Variants in CUBN observed in about 807,000 individuals in gnomAD.
CUBN encodes the protein cubilin.
CUBN carries 282 observed loss-of-function variants against 405.3 expected under a neutral mutation model. The observed-to-expected ratio is 0.70, with a 90% CI of 0.63 to 0.77. CUBN has a LOEUF of 0.77. Among genes scored for constraint, CUBN ranks in the 30% least tolerant of loss-of-function variants. The pLI is 0.00. For synonymous variants in CUBN, 1,684 were observed against 1,617.0 expected (o/e 1.04, Z -0.99); for missense variants, 4,514 against 4,475.2 (o/e 1.01, Z -0.25).
At chr10:16,970,862 T>A (rs1035767434) in intron 31 of CUBN, among the ~76,000 whole-genome samples, 99 of 152,144 alleles carry the variant, frequency 6.5e-4, no homozygotes, top group South Asian at 1.5e-3. Context: ...ATGTCTTTTT[T>A]TAAAAAATTA....
At chr10:16,912,259 C>T (rs1267198072) in intron 48 of CUBN, among the ~76,000 whole-genome samples, 1 of 152,120 alleles carries the variant, frequency 6.6e-6, no homozygotes, top group Non-Finnish European at 1.5e-5. Context: ...AATTCACTAC[C>T]CAACAGGAGA....
intron 32 of CUBN, 34 bp from the exon 33 acceptor site, chr10:16,952,423 T>C (rs763690091): frequency 2.5e-6 from 3 of 1,193,074 alleles, no homozygotes; most frequent in East Asian, 4.7e-5. Flanking sequence ...ACATGTCATA[T>C]GCTTTTCATT....
chr10:17,057,433 C>A (rs1328873074), intron 22 of CUBN, among the ~76,000 whole-genome samples: 1 of 152,078 alleles, frequency 6.6e-6, no homozygotes, highest in East Asian at 1.9e-4. Flanking sequence ...CTGTTTTAGC[C>A]AGTCTTCCAT....
At chr10:17,080,892 G>A (rs1306837374) in intron 17 of CUBN, among the ~76,000 whole-genome samples, 5 of 151,924 alleles carry the variant, frequency 3.3e-5, no homozygotes, top group African/African-American at 9.7e-5. Flanking sequence ...AGCTCTCTTC[G>A]ACAAAAACAG....
At chr10:16,968,800 G>T (rs895259056) in intron 31 of CUBN, among the ~76,000 whole-genome samples, 10 of 152,230 alleles carry the variant, frequency 6.6e-5, no homozygotes, top group Non-Finnish European at 1.2e-4. Context: ...AGCCACTTGT[G>T]TGCTGACCAG....
chr10:17,065,420 C>A, intron 22 of CUBN, 88 bp downstream of exon 22: 3 of 1,527,436 alleles, frequency 2.0e-6, no homozygotes, highest in African/African-American at 2.7e-5. Flanking sequence ...CACAGGTTTG[C>A]GGATGATGTA....
chr10:17,083,343 T>G (rs921941278), intron 17 of CUBN, among the ~76,000 whole-genome samples: 1 of 151,810 alleles, frequency 6.6e-6, no homozygotes, highest in Non-Finnish European at 1.5e-5. Flanking sequence ...TCATCTCTAC[T>G]AAAAATGCAA....
chr10:17,088,252 A>G lies in CUBN; in HGVS notation c.1859T>C (p.Val620Ala). The G allele has an allele frequency of 6.2e-7, 1 of 1,613,378 alleles. No individual in the cohort carries two copies. Among genetic ancestry groups the G allele is most frequent in the Non-Finnish European group, 8.5e-7 (1 of 1,179,304 alleles). The change falls in exon 15 of 67, where the codon GTT (valine) becomes GCT (alanine). Residue 620 changes from valine (V) to alanine (A), a missense_variant. Val to Ala is a moderately conservative substitution (Grantham distance 64). Around this residue, in one of 5 missense-constraint regions of CUBN, gnomAD observed 1,448 missense variants for 1,388.0 expected, o/e 1.04. Transcript: ENST00000377833. ...YPPGRDCVWI[V>A]VTSPDLLVTF... is the part of the protein sequence containing the mutation. ...TACCAGGAGGTCAGGACTAGTTACA[A>G]CAATCCAGACACAATCTCTTCCTGG...
intron 21 of CUBN, among the ~76,000 whole-genome samples, chr10:17,067,605 A>C (rs557176278): frequency 2.0e-5 from 3 of 152,294 alleles, no homozygotes; most frequent in South Asian, 4.1e-4. Context: ...GTGGCCAAGA[A>C]TGTTTCAATT....
rs2131301048 is a variant in CUBN at position 17,104,494 on chromosome 10, C to T, written c.1342G>A (p.Val448Ile). 1 of 1,614,016 alleles carries T rather than the reference C, an allele frequency of 6.2e-7. No homozygotes were observed. The highest frequency in any genetic ancestry group is 8.5e-7 in the Non-Finnish European group (1 of 1,180,010). ...SNPCLNGGTC[V>I]DGVDSFSCEC... ...CAACTGAAAGAATCAACGCCATCAACACAAGTTCCTCCATTCAAACAGGGG... is the reference window on the plus strand; with the variant it reads ...CAACTGAAAGAATCAACGCCATCAATACAAGTTCCTCCATTCAAACAGGGG... Residue 448 changes from valine (V) to isoleucine (I), a missense_variant, in exon 12 of 67, where the codon GTT becomes ATT. Around this residue, in one of 5 missense-constraint regions of CUBN, gnomAD observed 1,448 missense variants for 1,388.0 expected, o/e 1.04. Coordinates refer to ENST00000377833, the MANE Select transcript of CUBN (RefSeq NM_001081.4).
Position 17,079,395 on chromosome 10 carries a change from T to C in CUBN, c.2301+4876A>G, listed in dbSNP as rs562479569. 3.1e-3 allele frequency among the ~76,000 whole-genome samples: 475 copies of C among 151,754 alleles called. 2 individuals are homozygous for C. The highest frequency in any genetic ancestry group is 4.4e-3 in the Non-Finnish European group (297 of 67,858). On this transcript the variant is annotated intron_variant, in intron 17 of 66. Coordinates refer to ENST00000377833, the MANE Select transcript of CUBN (RefSeq NM_001081.4). ...GGATTACAGGTGCCCACCATCACAC[T>C]TGGCTACTTTTTTGTATTTTTAGTA... is the stretch of plus-strand genomic sequence containing the variant.
At chr10:16,894,355 A>C (rs1345860864) in intron 54 of CUBN, among the ~76,000 whole-genome samples, 3 of 151,768 alleles carry the variant, frequency 2.0e-5, no homozygotes, top group Non-Finnish European at 2.9e-5. Flanking sequence ...TTTTCAGTCT[A>C]TCATCTATTT....
intron 36 of CUBN, among the ~76,000 whole-genome samples, chr10:16,945,027 T>C (rs1436536196): frequency 2.0e-5 from 3 of 152,240 alleles, no homozygotes; most frequent in Non-Finnish European, 4.4e-5. Context: ...AAACTTGTTA[T>C]TATTATCCCA....
intron 36 of CUBN, 147 bp from the exon 37 acceptor site, chr10:16,940,384 TTC>T: frequency 1.3e-6 from 1 of 768,058 alleles, no homozygotes; most frequent in Non-Finnish European, 2.2e-6. Flanking sequence ...CTCAAAAAAT[TTC>T]TTTCACTCGG....
intron 6 of CUBN, among the ~76,000 whole-genome samples, chr10:17,121,259 A>C (rs1837033063): frequency 6.6e-6 from 1 of 152,218 alleles, no homozygotes; most frequent in African/African-American, 2.4e-5. Context: ...AGTTTTAAAG[A>C]TCAGATCAAA....
At chr10:17,043,143 G>GC (rs1835052775) in intron 26 of CUBN, among the ~76,000 whole-genome samples, 1 of 152,098 alleles carries the variant, frequency 6.6e-6, no homozygotes, top group Admixed American at 6.5e-5. Context: ...TCTAAAAGAA[G>GC]AAACCATGGG....
chr10:16,951,922 T>G (rs1842931436), intron 33 of CUBN, among the ~76,000 whole-genome samples: 1 of 152,202 alleles, frequency 6.6e-6, no homozygotes, highest in Non-Finnish European at 1.5e-5. Context: ...TGTCAAAAAC[T>G]ATTTATCGAT....
chr10:16,910,500 C>T (rs896139185), intron 48 of CUBN, among the ~76,000 whole-genome samples: 14 of 152,058 alleles, frequency 9.2e-5, no homozygotes, highest in African/African-American at 3.1e-4. Context: ...TTAACCTCCC[C>T]AAGAGAAAAG....
intron 13 of CUBN, among the ~76,000 whole-genome samples, chr10:17,102,698 C>T (rs553672233): frequency 2.7e-4 from 40 of 148,710 alleles, no homozygotes; most frequent in African/African-American, 9.3e-4. Context: ...ACTCCGCCTC[C>T]TGGATTCAAG....
Sources: allele counts gnomAD v4.1 joint callset (sites outside exome capture counted in the v4.1 genomes callset), GRCh38; gene constraint gnomAD v4.1.1; regional missense constraint gnomAD v4.1.1; transcripts MANE v1.5; gene names NCBI Gene and HGNC (gene_info 2026-07-23, HGNC 2026-07-21).